Variants in EYS observed in about 807,000 individuals in gnomAD.
The protein encoded by EYS is EGF-like photoreceptor maintenance factor.
In EYS, 250 loss-of-function variants were observed where a neutral mutation model predicts 282.1. That is an observed-to-expected ratio of 0.89 (90% confidence interval 0.80 to 0.98). The LOEUF is 0.98. Ranked by LOEUF, EYS falls within the 50% of genes least tolerant of loss-of-function variation. The probability of loss-of-function intolerance (pLI) is 0.00; values close to 1 mark genes in which losing one functional copy is unlikely to be tolerated. For synonymous variants in EYS, 1,355 were observed against 1,282.9 expected (o/e 1.06, Z -1.20); for missense variants, 4,016 against 3,709.0 (o/e 1.08, Z -2.15).
At chr6:63,931,463 A>T (rs577762762) in intron 35 of EYS, among the ~76,000 whole-genome samples, 1 of 152,238 alleles carries the variant, frequency 6.6e-6, no homozygotes, top group East Asian at 1.9e-4. Flanking sequence ...TCTACTACTC[A>T]TTCTGCTCCC....
intron 30 of EYS, among the ~76,000 whole-genome samples, chr6:64,241,014 G>T (rs1291249647): frequency 2.0e-5 from 3 of 152,074 alleles, no homozygotes; most frequent in Admixed American, 2.0e-4. Flanking sequence ...GATAATTATG[G>T]TTTTTGTCAT....
intron 12 of EYS, among the ~76,000 whole-genome samples, chr6:65,105,450 T>C (rs1448991325): frequency 2.6e-5 from 4 of 151,894 alleles, no homozygotes; most frequent in African/African-American, 9.7e-5. Flanking sequence ...AAAAACCTTG[T>C]TTTCCTTTCC....
chr6:63,865,891 G>T (rs766086958), intron 35 of EYS, among the ~76,000 whole-genome samples: 1 of 152,174 alleles, frequency 6.6e-6, no homozygotes, highest in Admixed American at 6.5e-5. Flanking sequence ...AGCAGATAAA[G>T]CTGGCTTTGG....
chr6:63,791,330 C>A (rs1430905861), intron 37 of EYS, among the ~76,000 whole-genome samples: 5 of 152,036 alleles, frequency 3.3e-5, no homozygotes, highest in Non-Finnish European at 7.4e-5. Context: ...CTTTGGGAGA[C>A]CGAGGCGGGC....
At chr6:65,699,777 G>T (rs1769590955) in intron 1 of EYS, among the ~76,000 whole-genome samples, 1 of 152,114 alleles carries the variant, frequency 6.6e-6, no homozygotes, top group African/African-American at 2.4e-5. Flanking sequence ...TATTAATGAA[G>T]GCCATGAACC....
intron 26 of EYS, among the ~76,000 whole-genome samples, chr6:64,503,225 C>T (rs974843659): frequency 6.6e-6 from 1 of 152,080 alleles, no homozygotes; most frequent in African/African-American, 2.4e-5. Context: ...AAACATTTGG[C>T]AGTTAAATTC....
At chr6:65,318,604 G>GTAATATAATA in intron 11 of EYS, among the ~76,000 whole-genome samples, 1 of 146,656 alleles carries the variant, frequency 6.8e-6, no homozygotes, top group Non-Finnish European at 1.5e-5. Context: ...TAATTTATAT[G>GTAATATAATA]TAATATAATA....
At position 65,024,993 on chromosome 6, in the gene EYS, T is replaced by C. The variant is rs1772362093; in HGVS notation, c.2138-27290A>G. On this transcript the variant is annotated intron_variant, in intron 13 of 42. Coordinates refer to ENST00000503581, the MANE Select transcript of EYS (RefSeq NM_001142800.2). The stretch of plus-strand genomic sequence containing the variant: ...TCAAATAGAAGCAGATAAATACCTC[T>C]ACCTTATTCTCATATAATGAAACTC... 3.3e-5 allele frequency among the ~76,000 whole-genome samples: 5 copies of C among 152,320 alleles called. No individual in the cohort carries two copies. In the South Asian group the frequency reaches 8.3e-4, roughly 25 times the overall value.
intron 22 of EYS, among the ~76,000 whole-genome samples, chr6:64,804,081 A>T (rs892972096): frequency 5.3e-5 from 8 of 152,164 alleles, no homozygotes; most frequent in Non-Finnish European, 8.8e-5. Context: ...GTGTCTTTGC[A>T]GTGGCTGGTC....
At chr6:64,786,287 GA>G (rs1774018385) in intron 22 of EYS, among the ~76,000 whole-genome samples, 3 of 151,444 alleles carry the variant, frequency 2.0e-5, no homozygotes, top group Admixed American at 2.0e-4. Context: ...TACAGAGACA[GA>G]GGGGTGGGCA....
At chr6:65,529,863 C>A (rs1314977884) in intron 2 of EYS, among the ~76,000 whole-genome samples, 1 of 152,074 alleles carries the variant, frequency 6.6e-6, no homozygotes, top group Non-Finnish European at 1.5e-5. Context: ...AGGAAGCAGA[C>A]CCTCACTAGA....
chr6:65,604,760 G>A (rs975493150), intron 2 of EYS, among the ~76,000 whole-genome samples: 1 of 151,476 alleles, frequency 6.6e-6, no homozygotes, highest in African/African-American at 2.4e-5. Flanking sequence ...TTTGTGCCAC[G>A]AGTTTAAATA....
chr6:64,471,842 T>C (rs1321323833), intron 26 of EYS, among the ~76,000 whole-genome samples: 2 of 151,856 alleles, frequency 1.3e-5, no homozygotes, highest in African/African-American at 2.4e-5. Flanking sequence ...ATGAAGAGAG[T>C]TGGCTAATAT....
At chr6:65,381,777 C>CA (rs1765619777) in intron 8 of EYS, among the ~76,000 whole-genome samples, 1 of 151,636 alleles carries the variant, frequency 6.6e-6, no homozygotes, top group African/African-American at 2.4e-5. Flanking sequence ...CAATATAACT[C>CA]ACATATAGTT....
At chr6:63,804,075 A>G (rs146203097) in intron 37 of EYS, among the ~76,000 whole-genome samples, 1,810 of 152,160 alleles carry the variant, frequency 0.012, 30 homozygotes, top group African/African-American at 0.042. Context: ...GGAGTGCAAC[A>G]CTGCAATCTC....
At chr6:64,495,215 C>A (rs898498963) in intron 26 of EYS, among the ~76,000 whole-genome samples, 2 of 151,674 alleles carry the variant, frequency 1.3e-5, no homozygotes, top group African/African-American at 2.4e-5. Context: ...AATGTAATAT[C>A]CATGGATATT....
intron 36 of EYS, among the ~76,000 whole-genome samples, chr6:63,858,686 C>G (rs946798691): frequency 2.0e-5 from 3 of 152,008 alleles, no homozygotes; most frequent in African/African-American, 7.3e-5. Context: ...TTCTTTGTAA[C>G]AAGGAACTGG....
chr6:65,648,721 A>G (rs1374379791), intron 1 of EYS, among the ~76,000 whole-genome samples: 1 of 149,996 alleles, frequency 6.7e-6, no homozygotes, highest in African/African-American at 2.5e-5. Flanking sequence ...AAAAAAATCA[A>G]TTTATAAAAC....
At chr6:64,565,431 G>T (rs9452003) in intron 26 of EYS, among the ~76,000 whole-genome samples, 1 of 151,846 alleles carries the variant, frequency 6.6e-6, no homozygotes, top group Non-Finnish European at 1.5e-5. Context: ...TGGAATACTA[G>T]TTTTTTTAAA....
Sources: gnomAD v4.1 joint callset for allele counts (sites outside exome capture counted in the v4.1 genomes callset) on GRCh38, gnomAD v4.1.1 for gene constraint, MANE v1.5 for transcripts, NCBI Gene and HGNC (gene_info 2026-07-23, HGNC 2026-07-21) for gene names.